The following TOGARAM2 variants were observed in gnomAD, a reference collection of about 807,000 sequenced individuals.
TOGARAM2 encodes TOG array regulator of axonemal microtubules protein 2.
Under a neutral mutation model 93.3 loss-of-function variants are expected in TOGARAM2, and 85 were observed. That is an observed-to-expected ratio of 0.91 (90% CI 0.76 to 1.09). The LOEUF is 1.09. TOGARAM2 is among the 50% of genes least tolerant of loss of function. TOGARAM2 has a pLI of 0.00. For missense variants in TOGARAM2, 1,277 were observed against 1,334.5 expected, an observed-to-expected ratio of 0.96 and a Z score of 0.67; for synonymous variants, 593 against 552.8, an observed-to-expected ratio of 1.07 and a Z score of -1.02.
upstream of TOGARAM2, among the ~76,000 whole-genome samples, chr2:28,977,437 G>A (rs1429747861): frequency 1.3e-5 from 2 of 152,214 alleles, no homozygotes; most frequent in East Asian, 1.9e-4. Context: ...TTATAAGGGG[G>A]CAACACCAGC....
intron 1 of TOGARAM2, among the ~76,000 whole-genome samples, chr2:28,987,051 A>G (rs553159836): frequency 6.6e-6 from 1 of 152,148 alleles, no homozygotes; most frequent in Non-Finnish European, 1.5e-5. Flanking sequence ...ATCAGCCCCG[A>G]CTCTTCTACT....
At chr2:28,968,588 C>T (rs1395164717) in intron 1 of TOGARAM2, among the ~76,000 whole-genome samples, 2 of 152,076 alleles carry the variant, frequency 1.3e-5, no homozygotes. Context: ...GGGTGGATTG[C>T]ATGAGTCCAG....
chr2:29,008,135 ATTTG>A (rs997586697), intron 6 of TOGARAM2, among the ~76,000 whole-genome samples: 12 of 150,344 alleles, frequency 8.0e-5, no homozygotes, highest in African/African-American at 2.7e-4. Flanking sequence ...TGTTTTATTT[ATTTG>A]TTTTTTATTT....
At chr2:29,013,752 T>C (rs1264686110) in intron 7 of TOGARAM2, among the ~76,000 whole-genome samples, 1 of 152,218 alleles carries the variant, frequency 6.6e-6, no homozygotes, top group Non-Finnish European at 1.5e-5. Flanking sequence ...CCACCCACAC[T>C]GAGGATGGGT....
rs1673440977 is a variant in TOGARAM2 at position 29,003,601 on chromosome 2, C to A, written c.749C>A (p.Pro250His). ...IPKARTVAAT[P>H]SRVPGSLPSP... ...AAGGCCAGGACGGTTGCAGCGACCC[C>A]CTCCCGTGTGCCTGGCTCCCTTCCC... Residue 250 changes from proline to histidine, a missense_variant, in exon 6 of 20, where the codon CCC (proline) becomes CAC (histidine). Pro to His is a moderately conservative substitution (Grantham distance 77). Coordinates refer to ENST00000379558, the MANE Select transcript of TOGARAM2 (RefSeq NM_199280.4). The A allele has an allele frequency of 2.5e-6, 4 of 1,594,744 alleles. No individual in the cohort carries two copies. In the South Asian group the frequency reaches 3.4e-5, roughly 14 times the overall value.
chr2:29,047,972 T>A (rs1666845519), intron 19 of TOGARAM2: 3 of 152,190 alleles, frequency 2.0e-5, no homozygotes, highest in Admixed American at 1.3e-4. Flanking sequence ...GAGATAGTTC[T>A]CACTTTTCCC....
intron 2 of TOGARAM2, among the ~76,000 whole-genome samples, chr2:28,995,180 G>A (rs1672931525): frequency 6.6e-6 from 1 of 152,232 alleles, no homozygotes; most frequent in Admixed American, 6.5e-5. Context: ...ATGTGGATGG[G>A]CAGGGGATAT....
At chr2:29,005,663 CATGT>C (rs1438941880) in intron 6 of TOGARAM2, among the ~76,000 whole-genome samples, 1 of 38,628 alleles carries the variant, frequency 2.6e-5, no homozygotes, top group East Asian at 6.0e-4. Context: ...TGAGGGCATG[CATGT>C]GTGAGCATGC....
Position 28,999,465 on chromosome 2 carries a change from C to A in TOGARAM2, c.424C>A (p.Arg142=), listed in dbSNP as rs779069224. The A allele has an allele frequency of 6.2e-7, 1 of 1,601,158 alleles. No homozygotes were observed. The highest frequency in any genetic ancestry group is 8.5e-7 in the Non-Finnish European group (1 of 1,173,194). Residue 142 remains arginine (R), a synonymous_variant, in exon 4 of 20, where the codon CGA becomes AGA. Transcript: ENST00000379558. The part of the protein sequence containing the change: ...RLSEGLAASS[R]ASLDPGGGPQ... Reference sequence around the variant, plus strand: ...CTCAGAGGGCTTGGCAGCGTCTTCCCGAGGTGAGCACTGGCCCCTGCCCAC... The same window carrying A: ...CTCAGAGGGCTTGGCAGCGTCTTCCAGAGGTGAGCACTGGCCCCTGCCCAC...
chr2:28,965,429 G>A (rs977406292), intron 1 of TOGARAM2, among the ~76,000 whole-genome samples: 1 of 152,040 alleles, frequency 6.6e-6, no homozygotes, highest in African/African-American at 2.4e-5. Flanking sequence ...CTGCTCCTTT[G>A]TATTGTTGTT....
At chr2:28,973,382 TC>T (rs1473151517) in intron 1 of TOGARAM2, among the ~76,000 whole-genome samples, 33 of 68,476 alleles carry the variant, frequency 4.8e-4, no homozygotes, top group East Asian at 5.4e-3. Context: ...TTCCCTTCCT[TC>T]CTTCTTTCCT....
intron 8 of TOGARAM2, 116 bp from the exon 9 acceptor site, chr2:29,017,038 C>T (rs1664618027): frequency 1.5e-6 from 2 of 1,347,698 alleles, no homozygotes; most frequent in African/African-American, 1.5e-5. Flanking sequence ...AGGAGTTTGT[C>T]TTTTTTGTTC....
At position 29,014,190 on chromosome 2, in the gene TOGARAM2, C is replaced by T. The variant is rs1041926527; in HGVS notation, c.878-205C>T. Among the ~76,000 whole-genome samples the T allele has an allele frequency of 5.3e-5, 8 of 152,310 alleles. No homozygotes were observed. In the South Asian group the frequency reaches 1.0e-3, roughly 20 times the overall value. On this transcript the variant is annotated intron_variant, in intron 7 of 19. Transcript: ENST00000379558. ...TGGAATAAAGTGTGCAGTGAATGAA[C>T]GAATGGAGGGTGATGCTGGTCCACA...
chr2:29,036,467 C>T (rs112582667), intron 17 of TOGARAM2, 74 bp from the exon 18 acceptor site: 3 of 1,478,634 alleles, frequency 2.0e-6, no homozygotes, highest in East Asian at 2.3e-5. Flanking sequence ...CAGGTGAGCT[C>T]CAAGCTGCCT....
intron 1 of TOGARAM2, among the ~76,000 whole-genome samples, chr2:28,970,635 A>G (rs1671934454): frequency 6.6e-6 from 1 of 152,142 alleles, no homozygotes; most frequent in South Asian, 2.1e-4. Context: ...CCTGGCGGTG[A>G]GGGCCATGGG....
intron 17 of TOGARAM2, among the ~76,000 whole-genome samples, chr2:29,036,235 T>C (rs998236885): frequency 2.0e-5 from 3 of 152,074 alleles, no homozygotes; most frequent in African/African-American, 7.2e-5. Context: ...TATGGGAAAG[T>C]GGGGGTGAAA....
intron 18 of TOGARAM2, among the ~76,000 whole-genome samples, chr2:29,039,663 G>A (rs1193937045): frequency 6.6e-6 from 1 of 152,196 alleles, no homozygotes; most frequent in African/African-American, 2.4e-5. Flanking sequence ...AGACATGTTT[G>A]CAGCTTGCTC....
At chr2:29,041,006 T>C (rs1666400846) in intron 18 of TOGARAM2, among the ~76,000 whole-genome samples, 1 of 151,080 alleles carries the variant, frequency 6.6e-6, no homozygotes, top group Non-Finnish European at 1.5e-5. Flanking sequence ...CATTTGCAGA[T>C]GATTATACTC....
At chr2:29,018,664 C>A (rs1483391939) in intron 10 of TOGARAM2, 2 of 152,196 alleles carry the variant, frequency 1.3e-5, no homozygotes, top group Non-Finnish European at 2.9e-5. Context: ...CCTTTTCAAT[C>A]CTCTTTCTAT....
Sources: gnomAD v4.1 joint callset for allele counts (sites outside exome capture counted in the v4.1 genomes callset) on GRCh38, gnomAD v4.1.1 for gene constraint, MANE v1.5 for transcripts, NCBI Gene and HGNC (gene_info 2026-07-23, HGNC 2026-07-21) for gene names.